The following GRIA2 variants were observed in gnomAD, a reference collection of about 807,000 sequenced individuals.
GRIA2 encodes glutamate ionotropic receptor AMPA type subunit 2, also known as glutamate receptor 2.
In GRIA2, 14 loss-of-function variants were observed where a neutral mutation model predicts 97.3. The observed-to-expected ratio is 0.14, with a 90% confidence interval of 0.10 to 0.23. The LOEUF (loss-of-function observed/expected upper bound fraction) is 0.23. GRIA2 is among the 10% of genes least tolerant of loss of function. The probability of loss-of-function intolerance (pLI) is 1.00; values close to 1 mark genes in which losing one functional copy is unlikely to be tolerated. For synonymous variants in GRIA2, 412 were observed against 387.8 expected (o/e 1.06, Z -0.73); for missense variants, 558 against 1,069.8 (o/e 0.52, Z 6.67).
intron 14 of GRIA2, chr4:157,362,562 G>T: frequency 1.7e-6 from 1 of 604,900 alleles, no homozygotes. Context: ...TGAATAAATA[G>T]AAGTTTATTC....
intron 11 of GRIA2, 26 bp downstream of exon 11, chr4:157,336,773 T>C: frequency 6.3e-7 from 1 of 1,592,936 alleles, no homozygotes; most frequent in Middle Eastern, 1.9e-4. Context: ...GCTTCAACTT[T>C]GTGCATTTCA....
At chr4:157,221,340 A>C in intron 1 of GRIA2, 1 of 561,154 alleles carries the variant, frequency 1.8e-6, no homozygotes, top group Non-Finnish European at 3.1e-6. Context: ...AGGTCCTCTC[A>C]TTTCGGATCC....
intron 2 of GRIA2, among the ~76,000 whole-genome samples, chr4:157,258,490 C>T (rs1371370936): frequency 6.6e-6 from 1 of 152,050 alleles, no homozygotes; most frequent in African/African-American, 2.4e-5. Flanking sequence ...TGTCTGCTCT[C>T]AAATCCTGTC....
rs142208241 is a variant in GRIA2, at chr4:157,278,106, T to A, written c.230-25446T>A. 3.4e-3 allele frequency among the ~76,000 whole-genome samples: 513 copies of A among 151,618 alleles called. 2 individuals carry two copies. Among genetic ancestry groups the A allele is most frequent in the African/African-American group, 0.012 (477 of 41,450 alleles). ...ACCTCAGCCAGTTATTGTGTAGGTA[T>A]TAACAAACTTATTTTAAAGTTTATG... is the stretch of plus-strand genomic sequence containing the variant. On this transcript the variant is annotated intron_variant, in intron 2 of 15. Coordinates refer to ENST00000264426, the MANE Select transcript of GRIA2 (RefSeq NM_001083619.3).
chr4:157,221,297 G>C, intron 1 of GRIA2, 167 bp downstream of exon 1: 1 of 602,068 alleles, frequency 1.7e-6, no homozygotes, highest in Non-Finnish European at 2.9e-6. Flanking sequence ...GAAGCAAAAG[G>C]AAAAGACTAT....
chr4:157,335,280 G>C (rs1257870905), intron 9 of GRIA2: 1 of 212,114 alleles, frequency 4.7e-6, no homozygotes, highest in African/African-American at 2.3e-5. Flanking sequence ...GTGAATGCTG[G>C]TTTTGGGATT....
Position 157,337,639 on chromosome 4 carries a change from G to C in GRIA2, c.1844+892G>C, listed in dbSNP as rs374858614. Among the ~76,000 whole-genome samples the C allele has an allele frequency of 4.0e-5, 6 of 151,750 alleles. No individual in the cohort carries two copies. In the East Asian group the frequency reaches 1.2e-3, roughly 29 times the overall value. On this transcript the variant is annotated intron_variant, in intron 11 of 15. Transcript: ENST00000264426. Reference sequence around the variant, plus strand: ...GGATATCTTAATAACTAGTGGAGCGGGTGCCTTTCATGATACAATTTTATT... The same window carrying C: ...GGATATCTTAATAACTAGTGGAGCGCGTGCCTTTCATGATACAATTTTATT...
Position 157,303,589 on chromosome 4 carries a change from T to G in GRIA2, c.267T>G (p.Phe89Leu). ...TTTCGAGAGGAGTCTATGCTATTTT[T>G]GGATTTTATGACAAGAAGTCTGTAA... ...SQFSRGVYAI[F>L]GFYDKKSVNT... Residue 89 changes from phenylalanine to leucine, a missense_variant, in exon 3 of 16, where the codon TTT becomes TTG. Physicochemically the swap from Phe to Leu is conservative, Grantham distance 22. Around this residue, in one of 8 missense-constraint regions of GRIA2, gnomAD observed 96 missense variants for 176.6 expected, o/e 0.54. Coordinates refer to ENST00000264426, the MANE Select transcript of GRIA2 (RefSeq NM_001083619.3). The G allele has an allele frequency of 1.2e-6, 2 of 1,613,886 alleles. No individual in the cohort carries two copies. The highest frequency in any genetic ancestry group is 2.2e-5 in the East Asian group (1 of 44,872).
rs1734146371 is a variant in GRIA2 at position 157,312,895 on chromosome 4, C to G, written c.666+20C>G. On this transcript the variant is annotated intron_variant, in intron 4 of 15. Coordinates refer to ENST00000264426, the MANE Select transcript of GRIA2 (RefSeq NM_001083619.3). The stretch of plus-strand genomic sequence containing the variant: ...GACCAGGTTTGCTACTTTCTGTTTT[C>G]TAATGATGCCAGATATAGAATATGC... 1 of 1,404,858 alleles carries G rather than the reference C, an allele frequency of 7.1e-7. No individual in the cohort carries two copies. The highest frequency in any genetic ancestry group is 1.4e-5 in the African/African-American group (1 of 69,494). 87.0% of individuals were successfully genotyped at this position (1,404,858 alleles called of 1,614,324 possible).
intron 2 of GRIA2, among the ~76,000 whole-genome samples, chr4:157,269,800 T>C (rs1731935691): frequency 6.6e-6 from 1 of 152,112 alleles, no homozygotes; most frequent in Non-Finnish European, 1.5e-5. Flanking sequence ...TAAATTTTAC[T>C]TATTTTAAAA....
rs1259029125 is a variant in GRIA2, at chr4:157,287,890, G to A, written c.230-15662G>A. Reference sequence around the variant, plus strand: ...CTTCAATGTCCTGCCTAACATTTCTGTTTTCCGTGTATTATCTTGGGTGTT... The same window carrying A: ...CTTCAATGTCCTGCCTAACATTTCTATTTTCCGTGTATTATCTTGGGTGTT... On this transcript the variant is annotated intron_variant, in intron 2 of 15. Transcript: ENST00000264426. 2.0e-5 allele frequency among the ~76,000 whole-genome samples: 3 copies of A among 151,408 alleles called. No homozygotes were observed. The Admixed American group carries it at 2.0e-4, about 10-fold the overall frequency.
At position 157,312,803 on chromosome 4, in the gene GRIA2, T is replaced by C. The variant is rs779958969; in HGVS notation, c.594T>C (p.Asp198=). The C allele has an allele frequency of 6.2e-7, 1 of 1,611,102 alleles. No homozygotes were observed. The highest frequency in any genetic ancestry group is 1.7e-5 in the Admixed American group (1 of 59,880). The change falls in exon 4 of 16, where the codon GAT becomes GAC. Residue 198 remains aspartate (D), a synonymous_variant. Transcript: ENST00000264426. ...AGATGTACCGATCACTTTTTCAAGA[T>C]CTGGAGTTAAAAAAGGAACGGCGTG... ...KDEMYRSLFQ[D]LELKKERRVI... is the part of the protein sequence containing the mutation.
chr4:157,360,868 A>T (rs1736601928), intron 13 of GRIA2, 142 bp from the exon 14 acceptor site: 1 of 690,400 alleles, frequency 1.4e-6, no homozygotes, highest in Admixed American at 2.4e-5. Context: ...TCATAGTAAC[A>T]TATTATTGTG....
intron 2 of GRIA2, among the ~76,000 whole-genome samples, chr4:157,250,410 G>A (rs1431467968): frequency 6.6e-6 from 1 of 152,014 alleles, no homozygotes; most frequent in Non-Finnish European, 1.5e-5. Flanking sequence ...TGGCATCCTG[G>A]TGCTAAACAT....
At chr4:157,328,333 A>G (rs1734898861) in intron 6 of GRIA2, among the ~76,000 whole-genome samples, 1 of 152,058 alleles carries the variant, frequency 6.6e-6, no homozygotes, top group African/African-American at 2.4e-5. Flanking sequence ...AACATTGTTA[A>G]CATTTCAAAT....
intron 2 of GRIA2, among the ~76,000 whole-genome samples, chr4:157,301,588 C>T (rs994207347): frequency 2.0e-5 from 3 of 152,190 alleles, no homozygotes; most frequent in East Asian, 1.9e-4. Context: ...AGTTACTAAA[C>T]AGTATTGCCT....
chr4:157,279,541 C>T (rs1442452118), intron 2 of GRIA2, among the ~76,000 whole-genome samples: 3 of 152,046 alleles, frequency 2.0e-5, no homozygotes, highest in Non-Finnish European at 4.4e-5. Flanking sequence ...TAATACTACT[C>T]TGATGTGGGA....
intron 12 of GRIA2, among the ~76,000 whole-genome samples, chr4:157,349,186 A>T (rs1735893278): frequency 6.6e-6 from 1 of 152,154 alleles, no homozygotes; most frequent in African/African-American, 2.4e-5. Flanking sequence ...AGGGTAAGAA[A>T]TGTAGAAAGT....
chr4:157,282,004 A>G (rs1219941725), intron 2 of GRIA2, among the ~76,000 whole-genome samples: 1 of 152,126 alleles, frequency 6.6e-6, no homozygotes, highest in African/African-American at 2.4e-5. Context: ...GTACATTTCC[A>G]ATCTTCCAGT....
Sources: gnomAD v4.1 joint callset for allele counts (sites outside exome capture counted in the v4.1 genomes callset) on GRCh38, gnomAD v4.1.1 for gene constraint, gnomAD v4.1.1 regional missense constraint, MANE v1.5 for transcripts, NCBI Gene and HGNC (gene_info 2026-07-23, HGNC 2026-07-21) for gene names.